Variants in LOXHD1 observed in about 807,000 individuals in gnomAD.
The protein encoded by LOXHD1 is lipoxygenase homology PLAT domains 1.
In LOXHD1, 205 loss-of-function variants were observed where a neutral mutation model predicts 248.2. The observed-to-expected ratio is 0.83, with a 90% CI of 0.74 to 0.93. The LOEUF (loss-of-function observed/expected upper bound fraction) is 0.93. LOXHD1 is among the 40% of genes least tolerant of loss of function. The probability of loss-of-function intolerance (pLI) is 0.00; values close to 1 mark genes in which losing one functional copy is unlikely to be tolerated. For missense variants in LOXHD1, 2,930 were observed against 2,971.6 expected, an observed-to-expected ratio of 0.99 and a Z score of 0.33; for synonymous variants, 1,113 against 1,162.8, an observed-to-expected ratio of 0.96 and a Z score of 0.87.
intron 34 of LOXHD1, among the ~76,000 whole-genome samples, chr18:46,514,018 G>T (rs1428380829): frequency 6.6e-6 from 1 of 152,156 alleles, no homozygotes; most frequent in Non-Finnish European, 1.5e-5. Context: ...TGCTGATCTG[G>T]GCTCCTTAGG....
chr18:46,596,156 C>T (rs1176620091), intron 8 of LOXHD1, among the ~76,000 whole-genome samples: 1 of 151,996 alleles, frequency 6.6e-6, no homozygotes, highest in Non-Finnish European at 1.5e-5. Context: ...ACTATTTTGT[C>T]ATTATCTTTA....
At chr18:46,533,704 A>G (rs547102748) in intron 27 of LOXHD1, 14 of 326,618 alleles carry the variant, frequency 4.3e-5, no homozygotes, top group South Asian at 3.5e-4. Flanking sequence ...CGGGTGGATT[A>G]CCTGATGTCA....
chr18:46,481,613 C>A (rs978180395), intron 40 of LOXHD1, among the ~76,000 whole-genome samples: 3 of 152,216 alleles, frequency 2.0e-5, no homozygotes, highest in African/African-American at 7.2e-5. Context: ...TATCCAGAGG[C>A]CTGGACCCCC....
intron 4 of LOXHD1, among the ~76,000 whole-genome samples, chr18:46,630,811 G>A (rs2038810952): frequency 6.6e-6 from 1 of 152,158 alleles, no homozygotes. Flanking sequence ...ACACCTGGAG[G>A]CAAGCAAGAA....
Position 46,560,492 on chromosome 18 carries a change from G to A in LOXHD1, c.2652C>T (p.Gly884=), listed in dbSNP as rs886139298. Residue 884 remains glycine, a synonymous_variant, in exon 19 of 41, where the codon GGC becomes GGT. Transcript: ENST00000642948. The stretch of plus-strand genomic sequence containing the variant: ...CGAACCAGCTGGGCCCAAAGCCCTC[G>A]CCCGTGTGCCCGAGCCGGAGCTTAT... ...EVYKLRLGHT[G]EGFGPSWFVD... 6 of 1,537,880 alleles carry A rather than the reference G, an allele frequency of 3.9e-6. No individual in the cohort carries two copies. The African/African-American group carries it at 5.5e-5, about 14-fold the overall frequency.
chr18:46,654,830 A>G (rs1478967809), intron 1 of LOXHD1, among the ~76,000 whole-genome samples: 1 of 152,220 alleles, frequency 6.6e-6, no homozygotes, highest in African/African-American at 2.4e-5. Flanking sequence ...AGGAGAATCC[A>G]TGGTTCCCTT....
chr18:46,509,581 T>C (rs559829535), intron 35 of LOXHD1, 117 bp downstream of exon 35: 1 of 781,368 alleles, frequency 1.3e-6, no homozygotes, highest in Non-Finnish European at 2.3e-6. Flanking sequence ...GCTGGGTTCA[T>C]GTAATGATCC....
intron 14 of LOXHD1, among the ~76,000 whole-genome samples, chr18:46,573,601 C>T (rs1462309779): frequency 6.6e-6 from 1 of 152,204 alleles, no homozygotes; most frequent in East Asian, 1.9e-4. Context: ...GAAGCCAAGA[C>T]ACTAATTCCT....
At position 46,521,092 on chromosome 18, in the gene LOXHD1, C is replaced by G. The variant is rs374936416; in HGVS notation, c.5271+5G>C. On this transcript the variant is annotated splice_donor_5th_base_variant and intron_variant, in intron 33 of 40. Transcript: ENST00000642948. ...TGCACTGCACACTCACAGTGCCCCCCCTACCTTCACCCCAATGTTCACCAC... is the reference window on the plus strand; with the variant it reads ...TGCACTGCACACTCACAGTGCCCCCGCTACCTTCACCCCAATGTTCACCAC... 151 of 1,551,334 alleles carry G rather than the reference C, an allele frequency of 9.7e-5. No homozygotes were observed. Among genetic ancestry groups the G allele is most frequent in the Non-Finnish European group, 1.1e-4 (129 of 1,146,790 alleles).
intron 14 of LOXHD1, 94 bp downstream of exon 14, chr18:46,577,613 T>C: frequency 1.4e-6 from 2 of 1,408,108 alleles, no homozygotes; most frequent in Non-Finnish European, 1.9e-6. Context: ...GCCACTGTTT[T>C]GCTTGCTGGT....
chr18:46,632,913 C>T (rs772383482), intron 4 of LOXHD1, among the ~76,000 whole-genome samples: 6 of 152,160 alleles, frequency 3.9e-5, no homozygotes, highest in Non-Finnish European at 8.8e-5. Flanking sequence ...AGGTTGAGGG[C>T]AGCCAGCCAA....
In LOXHD1 at chr18:46,627,166, C is replaced by A. The variant is rs183658648; in HGVS notation, c.512-8876G>T. 5.9e-5 allele frequency among the ~76,000 whole-genome samples: 9 copies of A among 152,294 alleles called. No individual in the cohort carries two copies. In the East Asian group the frequency reaches 1.3e-3, roughly 23 times the overall value. On this transcript the variant is annotated intron_variant, in intron 4 of 40. Transcript: ENST00000642948. ...CAGAAGAAACAGTCGAAAGTTCCTG[C>A]CAATTTATTATAACCTCAAGCTGGC... is the stretch of plus-strand genomic sequence containing the variant.
intron 4 of LOXHD1, among the ~76,000 whole-genome samples, chr18:46,627,870 C>T (rs951068718): frequency 6.6e-6 from 1 of 152,228 alleles, no homozygotes; most frequent in Admixed American, 6.5e-5. Flanking sequence ...GCGCCATACC[C>T]CACTTAGAAT....
In LOXHD1 at chr18:46,564,093, AGTGT is replaced by A. The variant is rs57471507; in HGVS notation, c.2438-872_2438-869del. On this transcript the variant is annotated intron_variant, in intron 17 of 40. Transcript: ENST00000642948. ...AGGCTGGAAGGAGGGGGAGAGAGAG[AGTGT>A]GTGTGTGTGTGTGTGTGTGTGCACG... Among the ~76,000 whole-genome samples, 468 of 148,990 alleles carry A rather than the reference AGTGT, an allele frequency of 3.1e-3. 3 individuals are homozygous for A. Among genetic ancestry groups the A allele is most frequent in the African/African-American group, 7.7e-3 (315 of 40,690 alleles).
At chr18:46,650,333 G>A (rs937930387) in intron 1 of LOXHD1, among the ~76,000 whole-genome samples, 1 of 152,166 alleles carries the variant, frequency 6.6e-6, no homozygotes, top group African/African-American at 2.4e-5. Context: ...TTACAATGTG[G>A]AGAGTCAGCA....
intron 5 of LOXHD1, among the ~76,000 whole-genome samples, chr18:46,613,489 AT>A (rs1169514958): frequency 6.6e-6 from 1 of 151,912 alleles, no homozygotes; most frequent in South Asian, 2.1e-4. Context: ...GATGATCATT[AT>A]TTTTTACAAA....
intron 20 of LOXHD1, 135 bp downstream of exon 20, chr18:46,559,313 G>A: frequency 6.5e-7 from 1 of 1,546,038 alleles, no homozygotes; most frequent in Non-Finnish European, 8.7e-7. Context: ...AAGAGGTACT[G>A]CCATGAAACC....
chr18:46,489,438 C>A (rs373128656), intron 37 of LOXHD1, among the ~76,000 whole-genome samples: 233 of 152,300 alleles, frequency 1.5e-3, no homozygotes, highest in African/African-American at 5.2e-3. Flanking sequence ...TGTAATTATA[C>A]ATGAACATTT....
intron 29 of LOXHD1, among the ~76,000 whole-genome samples, chr18:46,528,605 G>A (rs914129913): frequency 5.9e-5 from 9 of 152,072 alleles, no homozygotes; most frequent in African/African-American, 1.9e-4. Context: ...GGGAGGGAGT[G>A]GGGTGTCCAT....
Sources: allele counts gnomAD v4.1 joint callset (sites outside exome capture counted in the v4.1 genomes callset), GRCh38; gene constraint gnomAD v4.1.1; transcripts MANE v1.5; gene names NCBI Gene and HGNC (gene_info 2026-07-23, HGNC 2026-07-21).